AIM2: variants seen among roughly 807,000 people sequenced by gnomAD.
AIM2 encodes absent in melanoma 2, also known as interferon-inducible protein AIM2.
AIM2 carries 30 observed loss-of-function variants against 27.7 expected under a neutral mutation model. The observed-to-expected ratio is 1.08, with a 90% confidence interval of 0.81 to 1.47. The LOEUF is 1.47. AIM2 is among the 40% of genes most tolerant of loss of function. AIM2 has a pLI of 0.00. For synonymous variants in AIM2, 141 were observed against 145.3 expected (o/e 0.97, Z 0.21); for missense variants, 358 against 411.3 (o/e 0.87, Z 1.12).
intron 1 of AIM2, among the ~76,000 whole-genome samples, chr1:159,139,132 T>C (rs1648065820): frequency 6.6e-6 from 1 of 152,098 alleles, no homozygotes; most frequent in African/African-American, 2.4e-5. Context: ...GGCTAGGCAA[T>C]AGTTAAATAA....
chr1:159,122,854 C>A lies in AIM2; in HGVS notation c.-16+17577G>T, dbSNP rs142064779. 8.6e-4 allele frequency among the ~76,000 whole-genome samples: 131 copies of A among 152,290 alleles called. 1 individual carries two copies. Among genetic ancestry groups the A allele is most frequent in the Non-Finnish European group, 1.1e-3 (78 of 68,028 alleles). The stretch of plus-strand genomic sequence containing the variant: ...TATTTAGTGGCAATTCTGACCCATT[C>A]GCTTCATACATTGCTAGGTGACTAG... On this transcript the variant is annotated intron_variant, in intron 1 of 2. Transcript: ENST00000368129.
chr1:159,083,424 T>C (rs1656827301), intron 1 of AIM2, among the ~76,000 whole-genome samples: 1 of 152,196 alleles, frequency 6.6e-6, no homozygotes, highest in African/African-American at 2.4e-5. Context: ...TGAGTGGGAA[T>C]TGGGAGTGGT....
intron 1 of AIM2, among the ~76,000 whole-genome samples, chr1:159,098,521 T>A (rs1040544504): frequency 1.3e-5 from 2 of 152,218 alleles, no homozygotes; most frequent in Non-Finnish European, 2.9e-5. Flanking sequence ...AACAGAGATA[T>A]AGAATATTTC....
In AIM2 at chr1:159,066,273, C is replaced by T. The variant is rs988468498; in HGVS notation, c.453G>A (p.Lys151=). The change falls in exon 4 of 6, where the codon AAG becomes AAA. Residue 151 remains lysine, a synonymous_variant. Coordinates refer to ENST00000368130, the MANE Select transcript of AIM2 (RefSeq NM_004833.3). The part of the protein sequence containing the change: ...QQESIREGFQ[K]RCLPVMVLKA... ...TCAGTACCATAACTGGCAAACAGCG[C>T]TTCTGAAACCCTTCTCTGATAGATT... 5.0e-6 allele frequency: 8 copies of T among 1,614,062 alleles called. No homozygotes were observed. Among genetic ancestry groups the T allele is most frequent in the Non-Finnish European group, 5.9e-6 (7 of 1,180,042 alleles).
intron 1 of AIM2, among the ~76,000 whole-genome samples, chr1:159,089,502 C>A (rs929658725): frequency 1.3e-5 from 2 of 152,212 alleles, no homozygotes; most frequent in African/African-American, 4.8e-5. Flanking sequence ...CTTAAAGAAG[C>A]CCCTGTGTTG....
chr1:159,064,320 C>T (rs1468941884), intron 4 of AIM2, among the ~76,000 whole-genome samples: 1 of 152,216 alleles, frequency 6.6e-6, no homozygotes, highest in East Asian at 1.9e-4. Context: ...TCTTTCCAGT[C>T]CTAAATTCCC....
intron 1 of AIM2, among the ~76,000 whole-genome samples, chr1:159,134,042 CCTT>C (rs1274942619): frequency 6.6e-6 from 1 of 152,182 alleles, no homozygotes; most frequent in Non-Finnish European, 1.5e-5. Context: ...CCAAACTTGG[CCTT>C]CTTCAAGTGT....
chr1:159,057,652 C>A (rs543142291), downstream of AIM2, among the ~76,000 whole-genome samples: 14 of 152,242 alleles, frequency 9.2e-5, no homozygotes, highest in African/African-American at 2.6e-4. Flanking sequence ...TTCACAGGAA[C>A]AAGCAAGGTT....
intron 2 of AIM2, among the ~76,000 whole-genome samples, chr1:159,069,052 A>G (rs900340306): frequency 6.6e-6 from 1 of 151,926 alleles, no homozygotes; most frequent in African/African-American, 2.4e-5. Flanking sequence ...TGAGGCAAGG[A>G]TAACTTAAGC....
At chr1:159,115,229 A>G (rs1442594017) in intron 1 of AIM2, among the ~76,000 whole-genome samples, 2 of 152,206 alleles carry the variant, frequency 1.3e-5, no homozygotes, top group Non-Finnish European at 2.9e-5. Context: ...GGGTAGGAAG[A>G]ATCAATATCG....
At chr1:159,093,021 G>A (rs1018519254) in intron 1 of AIM2, among the ~76,000 whole-genome samples, 15 of 140,830 alleles carry the variant, frequency 1.1e-4, no homozygotes, top group Admixed American at 3.1e-4. Flanking sequence ...GTGACGCTCC[G>A]TCTCAAAATA....
intron 1 of AIM2, among the ~76,000 whole-genome samples, chr1:159,123,026 T>G (rs919394048): frequency 2.0e-5 from 3 of 152,198 alleles, no homozygotes; most frequent in African/African-American, 7.2e-5. Context: ...TAGTCTAATT[T>G]AGGAGAAATC....
chr1:159,070,792 A>G (rs1656322331), intron 2 of AIM2, among the ~76,000 whole-genome samples: 1 of 152,236 alleles, frequency 6.6e-6, no homozygotes, highest in African/African-American at 2.4e-5. Context: ...TAACCTTCCA[A>G]TGGTAAGTTA....
chr1:159,142,303 G>A (rs1648127933), upstream of AIM2, among the ~76,000 whole-genome samples: 1 of 152,242 alleles, frequency 6.6e-6, no homozygotes, highest in Admixed American at 6.5e-5. Context: ...CTGATGTGAT[G>A]TTCCTTCAGC....
intron 1 of AIM2, among the ~76,000 whole-genome samples, chr1:159,136,885 G>A (rs186148326): frequency 6.6e-6 from 1 of 152,228 alleles, no homozygotes; most frequent in Non-Finnish European, 1.5e-5. Flanking sequence ...ACTTTTGTAG[G>A]TGGACTGTTA....
upstream of AIM2, among the ~76,000 whole-genome samples, chr1:159,143,039 T>C (rs1648141695): frequency 2.0e-5 from 3 of 152,166 alleles, no homozygotes. Flanking sequence ...ACTCCAATCA[T>C]ACAAGATAGT....
intron 1 of AIM2, among the ~76,000 whole-genome samples, chr1:159,104,027 C>T (rs1481430187): frequency 6.6e-6 from 1 of 151,762 alleles, no homozygotes; most frequent in Non-Finnish European, 1.5e-5. Context: ...CAGGAAAAAC[C>T]TACACTTTTT....
chr1:159,077,090 A>G (rs1656637759), upstream of AIM2, among the ~76,000 whole-genome samples: 1 of 152,246 alleles, frequency 6.6e-6, no homozygotes, highest in Non-Finnish European at 1.5e-5. Flanking sequence ...TGTTGCCAGT[A>G]GGGCAGTGCA....
At chr1:159,113,230 C>A (rs1341542818) in intron 1 of AIM2, among the ~76,000 whole-genome samples, 1 of 152,182 alleles carries the variant, frequency 6.6e-6, no homozygotes, top group East Asian at 1.9e-4. Flanking sequence ...AGATGTGAGC[C>A]ACTGCACCCG....
Sources: gnomAD v4.1 joint callset for allele counts (sites outside exome capture counted in the v4.1 genomes callset) on GRCh38, gnomAD v4.1.1 for gene constraint, MANE v1.5 for transcripts, NCBI Gene and HGNC (gene_info 2026-07-23, HGNC 2026-07-21) for gene names.